Variants in PTPN2 observed in about 807,000 individuals in gnomAD.
PTPN2 encodes protein tyrosine phosphatase non-receptor type 2.
A neutral mutation model predicts 57.3 loss-of-function variants in PTPN2; 19 were observed. That is an observed-to-expected ratio of 0.33 (90% CI 0.23 to 0.49). The LOEUF is 0.49. PTPN2 is among the 20% of genes least tolerant of loss of function. The pLI is 0.99. For missense variants in PTPN2, 358 were observed against 501.1 expected (o/e 0.71, Z 2.73); for synonymous variants, 153 against 164.9 (o/e 0.93, Z 0.55).
Position 12,814,221 on chromosome 18 carries a change from C to T in PTPN2, c.840G>A (p.Lys280=). Residue 280 remains lysine (K), a synonymous_variant, in exon 7 of 9, where the codon AAG becomes AAA. Transcript: ENST00000309660. ...AGTTTACCTGTATACTAGAATCTCC[C>T]TTTATACATTTTGCTCCTTCTATTA... ...MAIIEGAKCI[K]GDSSIQKRWK... is the part of the protein sequence containing the mutation. 6.3e-7 allele frequency: 1 copy of T among 1,596,460 alleles called. No homozygotes were observed. Among genetic ancestry groups the T allele is most frequent in the Non-Finnish European group, 8.6e-7 (1 of 1,168,026 alleles).
intron 1 of PTPN2, 124 bp downstream of exon 1, chr18:12,883,949 C>A: frequency 2.6e-6 from 2 of 783,816 alleles, no homozygotes; most frequent in Non-Finnish European, 1.9e-6. Flanking sequence ...GACCGCGCCG[C>A]CACTTCCGCC....
intron 1 of PTPN2, among the ~76,000 whole-genome samples, chr18:12,870,266 TATATATGTATATATATACATATAC>T (rs1289060857): frequency 2.9e-4 from 28 of 96,332 alleles, no homozygotes; most frequent in African/African-American, 1.2e-3. Context: ...AGCATATATA[TATATATGTATATATATACATATAC>T]ATATATATGT....
rs1173228607 is a variant in PTPN2, at chr18:12,793,213, C to T, written c.*1065G>A. The stretch of plus-strand genomic sequence containing the variant: ...GCAGTTAAATTCATTAAACAGTTTG[C>T]TTTAAAAAATATTCATTAAGTTAAA... On this transcript the variant is annotated 3_prime_UTR_variant, in exon 9 of 9. Coordinates refer to ENST00000309660, the MANE Select transcript of PTPN2 (RefSeq NM_002828.4). 8.2e-6 allele frequency: 8 copies of T among 979,032 alleles called. No individual in the cohort carries two copies. The African/African-American group carries it at 1.4e-4, about 18-fold the overall frequency. The allele number at this position is 979,032 out of a possible 1,614,324, so 60.6% of individuals were successfully genotyped here.
At chr18:12,870,439 G>GTATA (rs1203995158) in intron 1 of PTPN2, among the ~76,000 whole-genome samples, 1 of 30,370 alleles carries the variant, frequency 3.3e-5, no homozygotes, top group Admixed American at 5.3e-4. Flanking sequence ...ATATATATAT[G>GTATA]TGTATATATA....
intron 5 of PTPN2, among the ~76,000 whole-genome samples, chr18:12,823,702 G>A (rs2042349443): frequency 1.3e-5 from 2 of 152,080 alleles, no homozygotes; most frequent in African/African-American, 2.4e-5. Context: ...GAGAACTAAT[G>A]AGATCAGTCT....
chr18:12,877,608 G>T (rs972943321), intron 1 of PTPN2, among the ~76,000 whole-genome samples: 2 of 152,328 alleles, frequency 1.3e-5, no homozygotes, highest in South Asian at 4.1e-4. Flanking sequence ...CTGCCCCGCT[G>T]TAAGTATGAG....
chr18:12,796,341 T>C (rs564332796), intron 8 of PTPN2, among the ~76,000 whole-genome samples: 2 of 152,358 alleles, frequency 1.3e-5, no homozygotes, highest in East Asian at 3.9e-4. Context: ...TAAAAGTCAC[T>C]GAATTGTATA....
In PTPN2 at chr18:12,836,900, A is replaced by G; in HGVS notation, c.161-9T>C. 2 of 1,539,584 alleles carry G rather than the reference A, an allele frequency of 1.3e-6. No homozygotes were observed. Among genetic ancestry groups the G allele is most frequent in the Non-Finnish European group, 1.8e-6 (2 of 1,115,444 alleles). ...AACACGACTGTGATCATCTGAAAATAGAGAATGATAAACCACAACTGTCAT... is the reference window on the plus strand; with the variant it reads ...AACACGACTGTGATCATCTGAAAATGGAGAATGATAAACCACAACTGTCAT... On this transcript the variant is annotated splice_polypyrimidine_tract_variant and intron_variant, in intron 2 of 8. Transcript: ENST00000309660.
At chr18:12,850,114 G>A (rs2043344307) in intron 2 of PTPN2, among the ~76,000 whole-genome samples, 1 of 151,836 alleles carries the variant, frequency 6.6e-6, no homozygotes, top group South Asian at 2.1e-4. Flanking sequence ...CTTTGTTGTT[G>A]TTACTTCTTT....
At chr18:12,813,037 A>T (rs192486580) in intron 7 of PTPN2, among the ~76,000 whole-genome samples, 6 of 150,452 alleles carry the variant, frequency 4.0e-5, no homozygotes, top group African/African-American at 1.5e-4. Flanking sequence ...AAAAAAAAGC[A>T]GTGGTAGGAA....
chr18:12,807,584 A>ATATATATATATAT (rs1555660747), intron 7 of PTPN2, among the ~76,000 whole-genome samples: 14 of 54,990 alleles, frequency 2.5e-4, no homozygotes, highest in African/African-American at 5.4e-4. Flanking sequence ...AAAAAAAAAA[A>ATATATATATATAT]AAATATATAT....
At chr18:12,786,136 CA>C in intron 9 of PTPN2, 1 of 419,794 alleles carries the variant, frequency 2.4e-6, no homozygotes, top group East Asian at 4.8e-5. Flanking sequence ...TTATTTTACT[CA>C]AGAAGTGACC....
Position 12,794,075 on chromosome 18 carries a change from CATTTACAGTT to C in PTPN2, c.*193_*202del. 7.0e-7 allele frequency: 1 copy of C among 1,423,528 alleles called. No homozygotes were observed. Among genetic ancestry groups the C allele is most frequent in the Non-Finnish European group, 9.1e-7 (1 of 1,095,418 alleles). 88.2% of individuals were successfully genotyped at this position (1,423,528 alleles called of 1,614,324 possible). On this transcript the variant is annotated 3_prime_UTR_variant, in exon 9 of 9. Transcript: ENST00000309660. ...CATGAATGTCTTTATTTTAGACAGC[CATTTACAGTT>C]TGGGGTTCAGAGGAACCTGCAGTCA...
intron 5 of PTPN2, among the ~76,000 whole-genome samples, chr18:12,818,542 C>T (rs1008906316): frequency 1.3e-5 from 2 of 152,080 alleles, no homozygotes; most frequent in African/African-American, 4.8e-5. Flanking sequence ...TAGCTTTTTG[C>T]CAATTGCCTT....
intron 3 of PTPN2, among the ~76,000 whole-genome samples, chr18:12,835,809 T>C (rs2042843164): frequency 6.6e-6 from 1 of 152,228 alleles, no homozygotes; most frequent in Non-Finnish European, 1.5e-5. Context: ...ATTCCCTGGT[T>C]ACTGAATGGA....
At position 12,793,725 on chromosome 18, in the gene PTPN2, A is replaced by G; in HGVS notation, c.*553T>C. 1.0e-6 allele frequency: 1 copy of G among 964,072 alleles called. No homozygotes were observed. Among genetic ancestry groups the G allele is most frequent in the Non-Finnish European group, 1.2e-6 (1 of 809,984 alleles). 59.7% of individuals were successfully genotyped at this position (964,072 alleles called of 1,614,324 possible). Reference sequence around the variant, plus strand: ...TTATTTTTTTAGTAACAGATTTTTCAAATTGAGCTCTTAAAAAGTACAGTT... The same window carrying G: ...TTATTTTTTTAGTAACAGATTTTTCGAATTGAGCTCTTAAAAAGTACAGTT... On this transcript the variant is annotated 3_prime_UTR_variant, in exon 9 of 9. Coordinates refer to ENST00000309660, the MANE Select transcript of PTPN2 (RefSeq NM_002828.4).
intron 8 of PTPN2, among the ~76,000 whole-genome samples, chr18:12,800,588 T>C (rs1171687474): frequency 1.3e-5 from 2 of 152,154 alleles, no homozygotes; most frequent in Non-Finnish European, 2.9e-5. Flanking sequence ...ATAATACATG[T>C]ATTATATATT....
At chr18:12,815,967 A>T (rs186098283) in intron 6 of PTPN2, among the ~76,000 whole-genome samples, 2 of 152,338 alleles carry the variant, frequency 1.3e-5, no homozygotes, top group Admixed American at 1.3e-4. Context: ...TTTTACAGAA[A>T]CATCGAAGAG....
intron 2 of PTPN2, among the ~76,000 whole-genome samples, chr18:12,854,431 C>T (rs540724881): frequency 2.7e-5 from 4 of 150,376 alleles, no homozygotes; most frequent in South Asian, 2.1e-4. Flanking sequence ...GTATTAGTGA[C>T]GTGGGAAATG....
Sources: allele counts gnomAD v4.1 joint callset (sites outside exome capture counted in the v4.1 genomes callset), GRCh38; gene constraint gnomAD v4.1.1; transcripts MANE v1.5; gene names NCBI Gene and HGNC (gene_info 2026-07-23, HGNC 2026-07-21).